Variants in CACNA2D3 observed in about 807,000 individuals in gnomAD.
CACNA2D3 encodes the protein calcium voltage-gated channel auxiliary subunit alpha2delta 3, also known as voltage-dependent calcium channel subunit alpha-2/delta-3.
In CACNA2D3, 60 loss-of-function variants were observed where a neutral mutation model predicts 160.6. That is an observed-to-expected ratio of 0.37 (90% confidence interval 0.30 to 0.46). The LOEUF (loss-of-function observed/expected upper bound fraction) is 0.46, where lower values mean the gene tolerates loss of function less well. Among genes scored for constraint, CACNA2D3 ranks in the 20% least tolerant of loss-of-function variants. The pLI is 1.00. For missense variants in CACNA2D3, 1,205 were observed against 1,365.0 expected (o/e 0.88, Z 1.85); for synonymous variants, 558 against 492.9 (o/e 1.13, Z -1.75).
chr3:54,215,620 T>C (rs935826197), intron 2 of CACNA2D3, among the ~76,000 whole-genome samples: 1 of 152,180 alleles, frequency 6.6e-6, no homozygotes, highest in African/African-American at 2.4e-5. Flanking sequence ...TGAACGGCGA[T>C]GTGAGGGTGG....
intron 17 of CACNA2D3, among the ~76,000 whole-genome samples, chr3:54,861,691 C>T (rs371165646): frequency 7.2e-5 from 11 of 152,202 alleles, no homozygotes; most frequent in South Asian, 2.1e-4. Context: ...ACTAAGCTGA[C>T]GGCAAGATTG....
intron 10 of CACNA2D3, among the ~76,000 whole-genome samples, chr3:54,628,978 A>G (rs496625): frequency 0.47 from 71,846 of 151,884 alleles, 17,444 homozygotes; most frequent in Non-Finnish European, 0.52. Context: ...GAAAATGCCT[A>G]TCCCCTGAGA....
chr3:54,895,826 C>G (rs1214221905), intron 25 of CACNA2D3, among the ~76,000 whole-genome samples: 1 of 152,128 alleles, frequency 6.6e-6, no homozygotes, highest in Non-Finnish European at 1.5e-5. Context: ...ATGTGACTCT[C>G]CAGAGGGAAT....
chr3:54,306,162 G>A (rs7431613), intron 2 of CACNA2D3, among the ~76,000 whole-genome samples: 1,919 of 152,178 alleles, frequency 0.013, 32 homozygotes, highest in Admixed American at 0.05. Flanking sequence ...AGTACCTGTG[G>A]TCTGCTGCAC....
At chr3:54,479,885 A>C (rs73089486) in intron 4 of CACNA2D3, among the ~76,000 whole-genome samples, 3 of 152,132 alleles carry the variant, frequency 2.0e-5, no homozygotes, top group African/African-American at 7.2e-5. Flanking sequence ...AAATCATACC[A>C]TCTTTTGAAT....
chr3:54,729,493 C>G (rs1054301978), intron 11 of CACNA2D3, among the ~76,000 whole-genome samples: 4 of 152,194 alleles, frequency 2.6e-5, no homozygotes, highest in Non-Finnish European at 4.4e-5. Context: ...ATTCCAGGAG[C>G]TGGGCTCGTT....
intron 35 of CACNA2D3, among the ~76,000 whole-genome samples, chr3:55,059,422 C>G (rs1239612594): frequency 6.6e-6 from 1 of 152,210 alleles, no homozygotes; most frequent in Non-Finnish European, 1.5e-5. Context: ...TCTGACCCCC[C>G]TCGCAGGAAG....
At chr3:54,769,960 C>A (rs949637452) in intron 13 of CACNA2D3, among the ~76,000 whole-genome samples, 1 of 152,180 alleles carries the variant, frequency 6.6e-6, no homozygotes, top group East Asian at 1.9e-4. Context: ...GGGATTGTGC[C>A]GCACTAGCCA....
At chr3:54,147,189 G>A (rs1434440658) in intron 2 of CACNA2D3, among the ~76,000 whole-genome samples, 2 of 152,242 alleles carry the variant, frequency 1.3e-5, no homozygotes, top group South Asian at 2.1e-4. Context: ...TGTCACTTGG[G>A]TGTGTGGCTT....
intron 13 of CACNA2D3, among the ~76,000 whole-genome samples, chr3:54,805,499 C>T (rs940431999): frequency 6.6e-6 from 1 of 152,064 alleles, no homozygotes; most frequent in Non-Finnish European, 1.5e-5. Flanking sequence ...AAGACTAAAC[C>T]AGGAAGAAGT....
At chr3:54,728,922 A>T (rs1184305364) in intron 11 of CACNA2D3, among the ~76,000 whole-genome samples, 1 of 152,130 alleles carries the variant, frequency 6.6e-6, no homozygotes, top group Non-Finnish European at 1.5e-5. Flanking sequence ...ACTTGGTTTT[A>T]TTGAGTCTTA....
At chr3:54,462,353 C>T (rs142275977) in intron 4 of CACNA2D3, among the ~76,000 whole-genome samples, 2,948 of 152,260 alleles carry the variant, frequency 0.019, 76 homozygotes, top group East Asian at 0.11. Context: ...TCTCGCTGAT[C>T]TGTCTAATGT....
intron 2 of CACNA2D3, among the ~76,000 whole-genome samples, chr3:54,246,746 A>G (rs934677664): frequency 6.6e-5 from 10 of 152,182 alleles, no homozygotes; most frequent in African/African-American, 2.4e-4. Context: ...AAAAAGAGCC[A>G]GAATATCTCA....
At chr3:54,838,983 C>T (rs981497619) in intron 16 of CACNA2D3, among the ~76,000 whole-genome samples, 1 of 152,140 alleles carries the variant, frequency 6.6e-6, no homozygotes, top group Non-Finnish European at 1.5e-5. Flanking sequence ...CCAGGCCGGG[C>T]GTGGAGACTC....
At chr3:54,418,719 A>G (rs1356301885) in intron 4 of CACNA2D3, among the ~76,000 whole-genome samples, 2 of 152,174 alleles carry the variant, frequency 1.3e-5, no homozygotes, top group Non-Finnish European at 2.9e-5. Flanking sequence ...TATAGTTAGG[A>G]AGAGGATACC....
At chr3:54,534,601 T>C (rs1467378116) in intron 5 of CACNA2D3, among the ~76,000 whole-genome samples, 1 of 151,766 alleles carries the variant, frequency 6.6e-6, no homozygotes, top group Admixed American at 6.6e-5. Context: ...AAATGCTGTC[T>C]CTGACCAACT....
intron 4 of CACNA2D3, among the ~76,000 whole-genome samples, chr3:54,488,981 G>A (rs1027834299): frequency 2.6e-5 from 4 of 152,184 alleles, no homozygotes; most frequent in Non-Finnish European, 1.5e-5. Flanking sequence ...GGTGGAGCAG[G>A]TATCCTGGGC....
At chr3:54,505,812 G>C (rs552233684) in intron 5 of CACNA2D3, among the ~76,000 whole-genome samples, 1 of 152,168 alleles carries the variant, frequency 6.6e-6, no homozygotes, top group East Asian at 1.9e-4. Context: ...AGGCATAATT[G>C]TGCCTTTTAA....
chr3:55,009,437 G>A lies in CACNA2D3; in HGVS notation c.2869G>A (p.Ala957Thr). ...LCSWWHSDMT[A>T]KAQKLKQTLE... ...CAGTTGGTGGCACTCCGATATGACA[G>A]CTAAAGGTGAGCAGCAACTGGTTTC... Residue 957 changes from alanine (A) to threonine (T), a missense_variant, in exon 34 of 38, where the codon GCT becomes ACT. This residue lies in a region of CACNA2D3 where 911 missense variants were observed against 1,002.2 expected (regional missense o/e 0.91). Transcript: ENST00000474759. 6.2e-7 allele frequency: 1 copy of A among 1,613,748 alleles called. No individual in the cohort carries two copies. The highest frequency in any genetic ancestry group is 1.7e-5 in the Admixed American group (1 of 60,014).
Sources: allele counts gnomAD v4.1 joint callset (sites outside exome capture counted in the v4.1 genomes callset), GRCh38; gene constraint gnomAD v4.1.1; regional missense constraint gnomAD v4.1.1; transcripts MANE v1.5; gene names NCBI Gene and HGNC (gene_info 2026-07-23, HGNC 2026-07-21).